Variants in NARS2 observed in about 807,000 individuals in gnomAD.
The protein encoded by NARS2 is asparaginyl-tRNA synthetase.
Under a neutral mutation model 62.9 loss-of-function variants are expected in NARS2, and 60 were observed. The observed-to-expected ratio is 0.95, with a 90% confidence interval of 0.77 to 1.18. The LOEUF is 1.18. Among genes scored for constraint, NARS2 ranks in the 50% most tolerant of loss-of-function variants. The probability of loss-of-function intolerance (pLI) is 0.00; values close to 1 mark genes in which losing one functional copy is unlikely to be tolerated. For missense variants in NARS2, 619 were observed against 576.4 expected (o/e 1.07, Z -0.76); for synonymous variants, 196 against 200.0 (o/e 0.98, Z 0.17).
intron 3 of NARS2, among the ~76,000 whole-genome samples, chr11:78,567,178 A>G (rs1856770824): frequency 6.6e-6 from 1 of 152,208 alleles, no homozygotes; most frequent in Non-Finnish European, 1.5e-5. Flanking sequence ...AGAATATAGT[A>G]GTCCCCCACT....
chr11:78,448,892 T>A (rs1352779530), intron 11 of NARS2, among the ~76,000 whole-genome samples: 1 of 152,210 alleles, frequency 6.6e-6, no homozygotes, highest in Non-Finnish European at 1.5e-5. Flanking sequence ...TATCTTTGCA[T>A]GCAGATCTAA....
chr11:78,442,719 T>C (rs1210822441), intron 12 of NARS2, among the ~76,000 whole-genome samples: 1 of 152,088 alleles, frequency 6.6e-6, no homozygotes, highest in Non-Finnish European at 1.5e-5. Context: ...CATATAAATG[T>C]ATATGTAGGA....
intron 4 of NARS2, among the ~76,000 whole-genome samples, chr11:78,565,552 CAG>C (rs1469872973): frequency 1.3e-5 from 2 of 152,100 alleles, no homozygotes; most frequent in Non-Finnish European, 2.9e-5. Flanking sequence ...AGACACAACT[CAG>C]AGTCTGGAGA....
chr11:78,461,509 T>C (rs1200730092), intron 11 of NARS2, among the ~76,000 whole-genome samples: 1 of 149,050 alleles, frequency 6.7e-6, no homozygotes. Context: ...TGAAGATCAT[T>C]ACTGATCCTA....
At chr11:78,503,704 G>A (rs1336271238) in intron 6 of NARS2, among the ~76,000 whole-genome samples, 1 of 152,178 alleles carries the variant, frequency 6.6e-6, no homozygotes, top group Non-Finnish European at 1.5e-5. Context: ...AACAGAGCTT[G>A]GTTTATGAAC....
At chr11:78,456,940 A>C (rs112594904) in intron 11 of NARS2, among the ~76,000 whole-genome samples, 127 of 152,364 alleles carry the variant, frequency 8.3e-4, no homozygotes, top group Non-Finnish European at 1.6e-3. Context: ...AGTTAGTCTT[A>C]TCCATGCATA....
chr11:78,454,836 C>G (rs915418300), intron 11 of NARS2, among the ~76,000 whole-genome samples: 6 of 152,204 alleles, frequency 3.9e-5, no homozygotes, highest in South Asian at 2.1e-4. Flanking sequence ...CCAGGCTGGT[C>G]TCGAACTCCT....
chr11:78,539,492 T>C (rs1000571421), intron 5 of NARS2, among the ~76,000 whole-genome samples: 15 of 152,206 alleles, frequency 9.9e-5, no homozygotes, highest in Non-Finnish European at 2.2e-4. Flanking sequence ...ATTTAATACA[T>C]ACTATGTTTG....
intron 11 of NARS2, among the ~76,000 whole-genome samples, chr11:78,448,321 T>TTC (rs1857835713): frequency 6.7e-6 from 1 of 148,340 alleles, no homozygotes; most frequent in Non-Finnish European, 1.5e-5. Flanking sequence ...AGTAATCACT[T>TTC]TTTTTTTTTT....
intron 4 of NARS2, among the ~76,000 whole-genome samples, chr11:78,564,213 T>A (rs932225189): frequency 2.0e-5 from 3 of 151,932 alleles, no homozygotes; most frequent in Non-Finnish European, 4.4e-5. Flanking sequence ...ATAATATTTT[T>A]AAGACAGGAT....
chr11:78,496,927 C>G (rs1213054073), intron 6 of NARS2, among the ~76,000 whole-genome samples: 1 of 151,956 alleles, frequency 6.6e-6, no homozygotes, highest in Non-Finnish European at 1.5e-5. Context: ...TTTTTCCTAT[C>G]TTCCACAGAC....
At chr11:78,491,325 T>C (rs905488200) in intron 7 of NARS2, among the ~76,000 whole-genome samples, 5 of 152,256 alleles carry the variant, frequency 3.3e-5, no homozygotes, top group Admixed American at 2.6e-4. Context: ...CCATGGGGAC[T>C]GATCCAAAAT....
At chr11:78,569,906 G>T (rs970167895) in intron 2 of NARS2, among the ~76,000 whole-genome samples, 1 of 152,086 alleles carries the variant, frequency 6.6e-6, no homozygotes, top group Non-Finnish European at 1.5e-5. Context: ...ATTAATATTA[G>T]GGCCAGGTGT....
chr11:78,513,489 A>G (rs1275766197), intron 6 of NARS2, among the ~76,000 whole-genome samples: 1 of 152,036 alleles, frequency 6.6e-6, no homozygotes, highest in Non-Finnish European at 1.5e-5. Flanking sequence ...ATAAGTAAGA[A>G]CACGTGGGCC....
intron 2 of NARS2, among the ~76,000 whole-genome samples, chr11:78,570,335 T>A (rs1273702357): frequency 6.6e-6 from 1 of 152,118 alleles, no homozygotes; most frequent in African/African-American, 2.4e-5. Context: ...TCTAACAAAT[T>A]AGAATAATGT....
chr11:78,514,720 C>T (rs1421761167), intron 6 of NARS2, among the ~76,000 whole-genome samples: 2 of 152,234 alleles, frequency 1.3e-5, no homozygotes, highest in East Asian at 3.9e-4. Flanking sequence ...TTAGTATTCC[C>T]TTCACAAAGG....
At chr11:78,444,458 G>T (rs1857681892) in intron 11 of NARS2, among the ~76,000 whole-genome samples, 1 of 152,120 alleles carries the variant, frequency 6.6e-6, no homozygotes, top group Non-Finnish European at 1.5e-5. Flanking sequence ...GCTCACACCT[G>T]TAATCCTAGC....
chr11:78,517,310 A>G (rs968138497), intron 6 of NARS2, among the ~76,000 whole-genome samples: 3 of 152,182 alleles, frequency 2.0e-5, no homozygotes, highest in East Asian at 1.9e-4. Flanking sequence ...AGATTTAGGG[A>G]AAAAGATGAT....
rs112168447 is a variant in NARS2, at chr11:78,554,508, C to CGTGCGTGTGTGTGTGTGT, written c.594+5030_594+5031insACACACACACACACGCAC. Among the ~76,000 whole-genome samples, 1,322 of 147,000 alleles carry CGTGCGTGTGTGTGTGTGT rather than the reference C, an allele frequency of 9.0e-3. 11 individuals are homozygous for CGTGCGTGTGTGTGTGTGT. Among genetic ancestry groups the CGTGCGTGTGTGTGTGTGT allele is most frequent in the Non-Finnish European group, 0.015 (982 of 67,048 alleles). On this transcript the variant is annotated intron_variant, in intron 5 of 13. Transcript: ENST00000281038. ...TTAGCTGTATTCCTAGGCGTGTGTGCGTGTGTGTGTGTGTGTGTGTGTCAA... is the reference window on the plus strand; with the variant it reads ...TTAGCTGTATTCCTAGGCGTGTGTGCGTGCGTGTGTGTGTGTGTGTGTGTGTGTGTGTGTGTGTGTCAA...
Sources: gnomAD v4.1 joint callset for allele counts (sites outside exome capture counted in the v4.1 genomes callset) on GRCh38, gnomAD v4.1.1 for gene constraint, MANE v1.5 for transcripts, NCBI Gene and HGNC (gene_info 2026-07-23, HGNC 2026-07-21) for gene names.